The following PAXIP1 variants were observed in gnomAD, a reference collection of about 807,000 sequenced individuals.
PAXIP1 encodes PAX interacting protein 1.
Under a neutral mutation model 140.6 loss-of-function variants are expected in PAXIP1, and 19 were observed. The observed-to-expected ratio is 0.14, with a 90% confidence interval of 0.09 to 0.20. The LOEUF is 0.20. Among genes scored for constraint, PAXIP1 ranks in the 10% least tolerant of loss-of-function variants. The probability of loss-of-function intolerance (pLI) is 1.00; values close to 1 mark genes in which losing one functional copy is unlikely to be tolerated. For missense variants in PAXIP1, 920 were observed against 1,208.6 expected (o/e 0.76, Z 3.54); for synonymous variants, 442 against 444.6 (o/e 0.99, Z 0.07).
Position 154,993,869 on chromosome 7 carries a change from CTATTT to C in PAXIP1, c.217-105_217-101del, listed in dbSNP as rs139133693. On this transcript the variant is annotated intron_variant, in intron 2 of 20. Transcript: ENST00000404141. The stretch of plus-strand genomic sequence containing the variant: ...AGAAATTAAAAGTCTCTGTTACAAC[CTATTT>C]TAAAACATCCAGATTACAAGTATGA... 1,003 of 842,812 alleles carry C rather than the reference CTATTT, an allele frequency of 1.2e-3. 8 individuals are homozygous for C. The African/African-American group carries it at 0.015, about 12-fold the overall frequency. The allele number at this position is 842,812 out of a possible 1,614,324, so 52.2% of individuals were successfully genotyped here. A position where few individuals can be genotyped will look rare whatever the true frequency, so the allele number is the denominator to read the frequency against.
At chr7:154,978,605 A>G (rs1199154781) in intron 5 of PAXIP1, among the ~76,000 whole-genome samples, 1 of 152,200 alleles carries the variant, frequency 6.6e-6, no homozygotes, top group African/African-American at 2.4e-5. Context: ...GAAAAACCCA[A>G]GTTATTTTAG....
At chr7:154,979,547 TAA>T (rs1255240650) in intron 5 of PAXIP1, among the ~76,000 whole-genome samples, 1 of 151,992 alleles carries the variant, frequency 6.6e-6, no homozygotes, top group East Asian at 1.9e-4. Context: ...TGATAAAAAT[TAA>T]GTCTTTTTAA....
intron 2 of PAXIP1, among the ~76,000 whole-genome samples, chr7:154,996,817 A>G (rs1367400468): frequency 6.6e-6 from 1 of 152,142 alleles, no homozygotes; most frequent in African/African-American, 2.4e-5. Flanking sequence ...TAATAAGGGG[A>G]GTGCTACAAA....
At chr7:154,952,892 C>G (rs779712616) in intron 16 of PAXIP1, among the ~76,000 whole-genome samples, 6 of 151,626 alleles carry the variant, frequency 4.0e-5, no homozygotes, top group Admixed American at 3.9e-4. Context: ...TATACAGAAT[C>G]ATAAAATTTT....
intron 4 of PAXIP1, 25 bp downstream of exon 4, chr7:154,990,976 TAACTC>T: frequency 7.1e-7 from 1 of 1,401,600 alleles, no homozygotes; most frequent in Non-Finnish European, 9.8e-7. Flanking sequence ...CACATATAAA[TAACTC>T]AAGACTAACT....
chr7:154,952,214 TCA>T (rs1450958912), intron 16 of PAXIP1: 1 of 152,228 alleles, frequency 6.6e-6, no homozygotes, highest in Non-Finnish European at 1.5e-5. Context: ...CCGCATTATT[TCA>T]CAGATTCTTT....
At chr7:154,987,179 T>C (rs1389182613) in intron 4 of PAXIP1, among the ~76,000 whole-genome samples, 1 of 152,198 alleles carries the variant, frequency 6.6e-6, no homozygotes, top group Non-Finnish European at 1.5e-5. Context: ...AAGATCTACT[T>C]AGACCCCTTA....
At chr7:154,999,217 T>A (rs1477226940) in intron 1 of PAXIP1, among the ~76,000 whole-genome samples, 1 of 152,180 alleles carries the variant, frequency 6.6e-6, no homozygotes, top group African/African-American at 2.4e-5. Flanking sequence ...CTCATAAACG[T>A]CTGGGTGTTA....
rs1468820929 is a variant in PAXIP1 at position 154,960,996 on chromosome 7, C to T, written c.2331G>A (p.Leu777=). 2.8e-5 allele frequency: 45 copies of T among 1,601,642 alleles called. No individual in the cohort carries two copies. The highest frequency in any genetic ancestry group is 3.6e-5 in the Non-Finnish European group (42 of 1,173,880). Reference sequence around the variant, plus strand: ...TCTGCCTCAGTGCCTCAAAGTTTCCCAGAAGAATGTCGCCAAGCCACTGGG... The same window carrying T: ...TCTGCCTCAGTGCCTCAAAGTTTCCTAGAAGAATGTCGCCAAGCCACTGGG... ...VNAQWLGDIL[L]GNFEALRQIQ... is the part of the protein sequence containing the mutation. The change falls in exon 12 of 21, where the codon CTG becomes CTA. Residue 777 remains leucine, a synonymous_variant. Coordinates refer to ENST00000404141, the MANE Select transcript of PAXIP1 (RefSeq NM_007349.4).
chr7:154,998,639 T>C lies in PAXIP1; in HGVS notation c.216+11A>G, dbSNP rs914322332. The C allele has an allele frequency of 3.1e-6, 5 of 1,607,940 alleles. No homozygotes were observed. Among genetic ancestry groups the C allele is most frequent in the Non-Finnish European group, 4.3e-6 (5 of 1,175,976 alleles). Reference sequence around the variant, plus strand: ...GGAAAAGATATAAAACAAATTATGTTTACTACTGACCTTTACAACAGGTAA... The same window carrying C: ...GGAAAAGATATAAAACAAATTATGTCTACTACTGACCTTTACAACAGGTAA... On this transcript the variant is annotated intron_variant, in intron 2 of 20. Coordinates refer to ENST00000404141, the MANE Select transcript of PAXIP1 (RefSeq NM_007349.4).
At chr7:154,982,533 T>C (rs1273130836) in intron 5 of PAXIP1, among the ~76,000 whole-genome samples, 1 of 152,208 alleles carries the variant, frequency 6.6e-6, no homozygotes, top group Non-Finnish European at 1.5e-5. Flanking sequence ...GTATTTTTAG[T>C]AGAGACAGGG....
chr7:154,958,973 A>G (rs1808644558), intron 13 of PAXIP1, among the ~76,000 whole-genome samples: 3 of 152,250 alleles, frequency 2.0e-5, no homozygotes, highest in Admixed American at 6.5e-5. Flanking sequence ...TACATCTATG[A>G]TCACATTATC....
At chr7:154,984,959 C>T (rs1254532842) in intron 4 of PAXIP1, among the ~76,000 whole-genome samples, 1 of 152,166 alleles carries the variant, frequency 6.6e-6, no homozygotes, top group Non-Finnish European at 1.5e-5. Context: ...GAAAGAACAT[C>T]AGCTAGGGAG....
chr7:154,979,931 A>T (rs1809765960), intron 5 of PAXIP1, among the ~76,000 whole-genome samples: 1 of 152,184 alleles, frequency 6.6e-6, no homozygotes, highest in South Asian at 2.1e-4. Context: ...TCAATTTCTG[A>T]TCCTGTGATC....
chr7:154,990,679 A>G (rs531194654), intron 4 of PAXIP1, among the ~76,000 whole-genome samples: 2 of 152,122 alleles, frequency 1.3e-5, no homozygotes, highest in Non-Finnish European at 2.9e-5. Flanking sequence ...GATCTGTATG[A>G]TCCCTTTATT....
At chr7:155,002,152 A>C (rs1292605200) in intron 1 of PAXIP1, 1 of 152,286 alleles carries the variant, frequency 6.6e-6, no homozygotes, top group Non-Finnish European at 1.5e-5. Context: ...TACTAAGGAA[A>C]ACCCACAATA....
chr7:154,965,845 G>A (rs1808988679), intron 8 of PAXIP1: 1 of 152,318 alleles, frequency 6.6e-6, no homozygotes, highest in Non-Finnish European at 1.5e-5. Context: ...GATTGCATGG[G>A]GGTGAGCACC....
rs373075938 is a variant in PAXIP1, at chr7:154,944,123, C to T, written c.*26G>A. ...ACAGCCAGCCCCGCACCGCAGGAGT[C>T]GACATGCACGGCAGCCTAGACGCCA... On this transcript the variant is annotated 3_prime_UTR_variant, in exon 21 of 21. Coordinates refer to ENST00000404141, the MANE Select transcript of PAXIP1 (RefSeq NM_007349.4). The T allele has an allele frequency of 3.6e-5, 58 of 1,611,560 alleles. No individual in the cohort carries two copies. In the African/African-American group the frequency reaches 6.9e-4, roughly 19 times the overall value.
rs896005168 is a variant in PAXIP1 at position 154,963,211 on chromosome 7, T to C, written c.1989+460A>G. 5.3e-5 allele frequency among the ~76,000 whole-genome samples: 8 copies of C among 152,216 alleles called. No individual in the cohort carries two copies. The highest frequency in any genetic ancestry group is 4.6e-4 in the Admixed American group (7 of 15,294). ...TTTTTTTTGAGATGGAGTCTCGCTG[T>C]GTCACTCAGGCTGGAGTGCAGTGGT... On this transcript the variant is annotated intron_variant, in intron 9 of 20. Coordinates refer to ENST00000404141, the MANE Select transcript of PAXIP1 (RefSeq NM_007349.4). The surrounding 1 kb of genome is among the most constrained non-coding windows in gnomAD (Gnocchi z 4.1).
Sources: allele counts gnomAD v4.1 joint callset (sites outside exome capture counted in the v4.1 genomes callset), GRCh38; gene constraint gnomAD v4.1.1; non-coding constraint Gnocchi (gnomAD v3.1); transcripts MANE v1.5; gene names NCBI Gene and HGNC (gene_info 2026-07-23, HGNC 2026-07-21).